Variants in BRDT observed in about 807,000 individuals in gnomAD.
BRDT encodes bromodomain testis associated.
In BRDT, 77 loss-of-function variants were observed where a neutral mutation model predicts 113.9. The observed-to-expected ratio is 0.68, with a 90% CI of 0.56 to 0.82. The LOEUF is 0.82. Among genes scored for constraint, BRDT ranks in the 40% least tolerant of loss-of-function variants. The pLI is 0.00. For synonymous variants in BRDT, 358 were observed against 366.5 expected (o/e 0.98, Z 0.26); for missense variants, 1,027 against 1,105.4 (o/e 0.93, Z 1.01).
intron 7 of BRDT, among the ~76,000 whole-genome samples, 191 bp from the exon 8 acceptor site, chr1:91,979,378 T>C (rs1221259689): frequency 2.6e-5 from 4 of 151,920 alleles, no homozygotes; most frequent in Admixed American, 1.3e-4. Flanking sequence ...CCTCCCTAAG[T>C]GCTAAGATTA....
chr1:91,958,138 T>C (rs1430825228), intron 1 of BRDT, among the ~76,000 whole-genome samples: 1 of 151,534 alleles, frequency 6.6e-6, no homozygotes, highest in Admixed American at 6.6e-5. Flanking sequence ...CCGCCATGCC[T>C]GGCCAAGTTT....
At chr1:91,992,989 A>G (rs2101747219) in intron 14 of BRDT, among the ~76,000 whole-genome samples, 1 of 152,268 alleles carries the variant, frequency 6.6e-6, no homozygotes. Context: ...TTAATGGTCT[A>G]TTTTTGGTCA....
intron 16 of BRDT, 137 bp from the exon 17 acceptor site, chr1:92,004,277 C>T (rs1000024324): frequency 1.5e-5 from 8 of 551,206 alleles, no homozygotes; most frequent in Middle Eastern, 5.0e-4. Flanking sequence ...CTTTAGTAAC[C>T]TTTTACTTTA....
intron 18 of BRDT, 29 bp downstream of exon 18, chr1:92,005,328 A>G (rs1267264675): frequency 1.3e-6 from 2 of 1,483,428 alleles, no homozygotes; most frequent in East Asian, 2.5e-5. Flanking sequence ...ACTAAATCTA[A>G]TTTAACAAGG....
At chr1:91,964,878 C>T (rs889011295) in intron 3 of BRDT, 114 bp downstream of exon 3, 12 of 344,244 alleles carry the variant, frequency 3.5e-5, no homozygotes, top group Admixed American at 5.3e-5. Context: ...AGATACTTGA[C>T]GTGTGTGTGT....
intron 1 of BRDT, among the ~76,000 whole-genome samples, chr1:91,960,089 G>A (rs536094393): frequency 7.2e-5 from 11 of 152,260 alleles, no homozygotes; most frequent in South Asian, 2.1e-4. Context: ...ACTCTTGTAC[G>A]TTGTTAGTGG....
intron 16 of BRDT, among the ~76,000 whole-genome samples, chr1:92,003,910 A>G (rs911450833): frequency 1.2e-4 from 19 of 152,162 alleles, no homozygotes; most frequent in Non-Finnish European, 2.4e-4. Flanking sequence ...ACCATGGTGT[A>G]TCTTGTTTAA....
chr1:92,003,089 C>T (rs888438588), intron 16 of BRDT, among the ~76,000 whole-genome samples: 2 of 152,056 alleles, frequency 1.3e-5, no homozygotes, highest in African/African-American at 4.8e-5. Context: ...AGTAATTAGC[C>T]CATTCCATAG....
rs754258809 is a variant in BRDT, at chr1:92,014,213, G to A, written c.2783G>A (p.Gly928Asp). 8 of 1,586,550 alleles carry A rather than the reference G, an allele frequency of 5.0e-6. No individual in the cohort carries two copies. The East Asian group carries it at 9.2e-5, about 18-fold the overall frequency. ...TTTCTGCTTTTTCTACAGATGGTGGGTACCATTGATATGACCCTTCAAAGT... is the reference window on the plus strand; with the variant it reads ...TTTCTGCTTTTTCTACAGATGGTGGATACCATTGATATGACCCTTCAAAGT... ...QERRRREAMV[G>D]TIDMTLQSDI... The change falls in exon 19 of 19, where the codon GGT (glycine) becomes GAT (aspartate). Residue 928 changes from glycine to aspartate, a missense_variant. Physicochemically the swap from Gly to Asp is moderately conservative, Grantham distance 94. Coordinates refer to ENST00000399546, the MANE Select transcript of BRDT (RefSeq NM_207189.4).
At chr1:91,963,197 C>A (rs1027968520) in intron 2 of BRDT, among the ~76,000 whole-genome samples, 1 of 152,156 alleles carries the variant, frequency 6.6e-6, no homozygotes, top group African/African-American at 2.4e-5. Flanking sequence ...GTGGCACATG[C>A]CTGTACTTCC....
rs1681947908 is a variant in BRDT, at chr1:91,957,754, CTG to C, written c.-37-4961_-37-4960del. On this transcript the variant is annotated intron_variant, in intron 1 of 18. Transcript: ENST00000399546. ...GTAGTCTCACTTCCCTGAATATCCT[CTG>C]TGCTCTGCCTATTCCCTCCTCCCCA... 2.0e-5 allele frequency among the ~76,000 whole-genome samples: 3 copies of C among 152,298 alleles called. No individual in the cohort carries two copies. The South Asian group carries it at 6.2e-4, about 32-fold the overall frequency.
Position 91,977,072 on chromosome 1 carries a change from T to TA in BRDT, c.649dup (p.Thr217AsnfsTer10). ...CAAAAGGTGTGAAGAGGAAAGCAGA[T>TA]ACAACAACTCCTGCAACTTCAGCAG... On this transcript the variant is annotated frameshift_variant, in exon 6 of 19. Transcript: ENST00000399546. LOFTEE classifies it high-confidence loss of function. 6.2e-7 allele frequency: 1 copy of TA among 1,609,158 alleles called. No individual in the cohort carries two copies. The highest frequency in any genetic ancestry group is 8.5e-7 in the Non-Finnish European group (1 of 1,177,990).
rs1685343734 is a variant in BRDT at position 91,987,356 on chromosome 1, T to A, written c.2003-3828T>A. ...TTTGTTTTGTTTTGTTTTTTTGAGA[T>A]GGAATCTCACTCTGTTGCCCAGGCT... On this transcript the variant is annotated intron_variant, in intron 12 of 18. Transcript: ENST00000399546. 1.3e-5 allele frequency among the ~76,000 whole-genome samples: 2 copies of A among 151,802 alleles called. 1 individual carries two copies. The highest frequency in any genetic ancestry group is 4.2e-4 in the South Asian group (2 of 4,810).
chr1:91,953,655 G>A (rs1050027757), intron 1 of BRDT, among the ~76,000 whole-genome samples: 1 of 152,156 alleles, frequency 6.6e-6, no homozygotes, highest in Non-Finnish European at 1.5e-5. Context: ...ATTCCAGCCT[G>A]GGTGACAGCA....
chr1:92,004,753 G>C, intron 17 of BRDT, 134 bp downstream of exon 17: 1 of 760,452 alleles, frequency 1.3e-6, no homozygotes, highest in Non-Finnish European at 2.0e-6. Context: ...ATTGCAAAAA[G>C]TACATTTGAT....
intron 15 of BRDT, among the ~76,000 whole-genome samples, chr1:91,999,936 C>T (rs542296546): frequency 3.9e-5 from 6 of 152,296 alleles, no homozygotes; most frequent in South Asian, 2.1e-4. Context: ...AGTACAGTGG[C>T]GCAAATATGG....
intron 18 of BRDT, among the ~76,000 whole-genome samples, chr1:92,011,312 A>G (rs1295470745): frequency 1.3e-5 from 2 of 152,228 alleles, no homozygotes; most frequent in African/African-American, 4.8e-5. Flanking sequence ...GCAAATAGCC[A>G]CATAGGGCTG....
At position 91,981,351 on chromosome 1, in the gene BRDT, C is replaced by G. The variant is rs1269657250; in HGVS notation, c.1834C>G (p.Gln612Glu). Reference sequence around the variant, plus strand: ...AAAGCGGTTACTGGATGTTAATAATCAGTTAAATTCTAGAAAACGTCAAAC... The same window carrying G: ...AAAGCGGTTACTGGATGTTAATAATGAGTTAAATTCTAGAAAACGTCAAAC... ...LEKRLLDVNN[Q>E]LNSRKRQTKS... is the part of the protein sequence containing the mutation. The change falls in exon 11 of 19, where the codon CAG (glutamine) becomes GAG (glutamate). Residue 612 changes from glutamine (Q) to glutamate (E), a missense_variant. Coordinates refer to ENST00000399546, the MANE Select transcript of BRDT (RefSeq NM_207189.4). The G allele has an allele frequency of 1.9e-6, 3 of 1,613,838 alleles. No homozygotes were observed. The South Asian group carries it at 3.3e-5, about 18-fold the overall frequency.
intron 18 of BRDT, among the ~76,000 whole-genome samples, chr1:92,006,290 A>G (rs1051579570): frequency 1.3e-4 from 20 of 152,220 alleles, no homozygotes; most frequent in African/African-American, 4.6e-4. Flanking sequence ...AATTACTCTG[A>G]AAATTACACT....
Sources: gnomAD v4.1 joint callset for allele counts (sites outside exome capture counted in the v4.1 genomes callset) on GRCh38, gnomAD v4.1.1 for gene constraint, MANE v1.5 for transcripts, NCBI Gene and HGNC (gene_info 2026-07-23, HGNC 2026-07-21) for gene names.